Variants in NFE2 observed in about 807,000 individuals in gnomAD.
The protein encoded by NFE2 is transcription factor NF-E2 45 kDa subunit.
Under a neutral mutation model 25.8 loss-of-function variants are expected in NFE2, and 13 were observed. The ratio of observed to expected loss-of-function variants is 0.50; its 90% CI spans 0.33 to 0.80. The LOEUF (loss-of-function observed/expected upper bound fraction) is 0.80. NFE2 is among the 30% of genes least tolerant of loss of function. The probability of loss-of-function intolerance (pLI) is 0.02; values close to 1 mark genes in which losing one functional copy is unlikely to be tolerated. For synonymous variants in NFE2, 204 were observed against 200.2 expected, an observed-to-expected ratio of 1.02 and a Z score of -0.16; for missense variants, 382 against 478.9, an observed-to-expected ratio of 0.80 and a Z score of 1.89.
chr12:54,298,494 T>G (rs1592182436), intron 1 of NFE2, among the ~76,000 whole-genome samples: 3 of 97,416 alleles, frequency 3.1e-5, no homozygotes, highest in South Asian at 2.9e-4. Context: ...GCAACAAGAG[T>G]GAAACTCCAC....
chr12:54,292,606 T>G lies in NFE2; in HGVS notation c.890A>C (p.Glu297Ala). The G allele has an allele frequency of 6.2e-7, 1 of 1,614,136 alleles. No individual in the cohort carries two copies. Among genetic ancestry groups the G allele is most frequent in the Non-Finnish European group, 8.5e-7 (1 of 1,180,022 alleles). The change falls in exon 3 of 3, where the codon GAG becomes GCG. Residue 297 changes from glutamate (E) to alanine (A), a missense_variant. Transcript: ENST00000435572. The part of the protein sequence containing the change: ...KLETIVQLER[E>A]LERLTNERER... ...CCGTTCATTGGTCAGCCGCTCCAGC[T>G]CCCGCTCCAGCTGCACAATGGTTTC...
At chr12:54,296,263 G>A (rs1944371008) in intron 1 of NFE2, among the ~76,000 whole-genome samples, 1 of 151,896 alleles carries the variant, frequency 6.6e-6, no homozygotes, top group Admixed American at 6.6e-5. Flanking sequence ...AAATTAGCTG[G>A]GCGTGGTGGG....
At position 54,292,863 on chromosome 12, in the gene NFE2, A is replaced by G. The variant is rs758054410; in HGVS notation, c.633T>C (p.Pro211=). 21 of 1,613,872 alleles carry G rather than the reference A, an allele frequency of 1.3e-5. No homozygotes were observed. The highest frequency in any genetic ancestry group is 1.7e-5 in the Non-Finnish European group (20 of 1,179,862). Residue 211 remains proline, a synonymous_variant, in exon 3 of 3, where the codon CCT becomes CCC. Transcript: ENST00000435572. ...CCCGTGCAGTGGGCTTAGCCCGCAC[A>G]GGGCCTGAGGAGGGCTCTAAGGCCA... ...TPLALEPSSG[P]VRAKPTARGE...
At position 54,293,028 on chromosome 12, in the gene NFE2, T is replaced by G; in HGVS notation, c.468A>C (p.Glu156Asp). 1 of 1,528,654 alleles carries G rather than the reference T, an allele frequency of 6.5e-7. No individual in the cohort carries two copies. Among genetic ancestry groups the G allele is most frequent in the Non-Finnish European group, 8.8e-7 (1 of 1,138,362 alleles). The allele number at this position is 1,528,654 out of a possible 1,614,324, so 94.7% of individuals were successfully genotyped here. A position where few individuals can be genotyped will look rare whatever the true frequency, so the allele number is the denominator to read the frequency against. The change falls in exon 3 of 3, where the codon GAA (glutamate) becomes GAC (aspartate). Residue 156 changes from glutamate (E) to aspartate (D), a missense_variant. By Grantham distance (45) the Glu-to-Asp change is conservative. Transcript: ENST00000435572. ...CCTCTGTCCCCTCCAGCTCAAGAGA[T>G]TCAGCATCGCTATAGTTGAGGGATA... ...SGLSLNYSDA[E>D]SLELEGTEAG...
intron 1 of NFE2, among the ~76,000 whole-genome samples, chr12:54,296,949 G>GT: frequency 6.6e-6 from 1 of 152,028 alleles, no homozygotes; most frequent in Non-Finnish European, 1.5e-5. Context: ...CCTTGCATCT[G>GT]TTTTCCCTGC....
In NFE2 at chr12:54,292,126, T is replaced by C. The variant is rs946632836; in HGVS notation, c.*248A>G. Reference sequence around the variant, plus strand: ...TGAAAAGCCATTTCTGTAGCGCACTTTATAGACCAAAGCTTAGACAAGGTG... The same window carrying C: ...TGAAAAGCCATTTCTGTAGCGCACTCTATAGACCAAAGCTTAGACAAGGTG... On this transcript the variant is annotated 3_prime_UTR_variant, in exon 3 of 3. Transcript: ENST00000435572. 2 of 529,854 alleles carry C rather than the reference T, an allele frequency of 3.8e-6. No individual in the cohort carries two copies. The highest frequency in any genetic ancestry group is 6.7e-6 in the Non-Finnish European group (2 of 296,510). 32.8% of individuals were successfully genotyped at this position (529,854 alleles called of 1,614,324 possible).
chr12:54,296,234 G>A (rs755308915), intron 1 of NFE2, among the ~76,000 whole-genome samples: 8 of 151,752 alleles, frequency 5.3e-5, no homozygotes, highest in Non-Finnish European at 7.4e-5. Context: ...TGGAAACCCC[G>A]TCTCTACTAA....
chr12:54,298,235 C>T (rs575864938), intron 1 of NFE2, among the ~76,000 whole-genome samples: 21 of 152,134 alleles, frequency 1.4e-4, no homozygotes, highest in South Asian at 2.1e-4. Context: ...TTGCTACGCA[C>T]GGTGGCTCAC....
intron 2 of NFE2, 64 bp downstream of exon 2, chr12:54,295,071 G>T: frequency 7.2e-7 from 1 of 1,388,986 alleles, no homozygotes; most frequent in Non-Finnish European, 1.0e-6. Flanking sequence ...CTCAGTCCTG[G>T]CCAACTCCCT....
intron 1 of NFE2, among the ~76,000 whole-genome samples, chr12:54,298,980 G>A (rs189746248): frequency 1.3e-3 from 194 of 152,036 alleles, no homozygotes; most frequent in African/African-American, 4.4e-3. Context: ...GAACCTGGGC[G>A]GTAGAGGTTA....
chr12:54,292,669 T>A lies in NFE2; in HGVS notation c.827A>T (p.Asn276Ile). ...LVRDIRRRGK[N>I]KVAAQNCRKR... ...GCGGCAGTTCTGGGCTGCCACCTTG[T>A]TTTTGCCCCGTCGTCGGATGTCCCG... The change falls in exon 3 of 3, where the codon AAC becomes ATC. Residue 276 changes from asparagine to isoleucine, a missense_variant. Physicochemically the swap from Asn to Ile is moderately radical, Grantham distance 149. Transcript: ENST00000435572. 1 of 1,614,214 alleles carries A rather than the reference T, an allele frequency of 6.2e-7. No homozygotes were observed. The highest frequency in any genetic ancestry group is 8.5e-7 in the Non-Finnish European group (1 of 1,180,034).
rs749714668 is a variant in NFE2, at chr12:54,295,105, G to T, written c.114+30C>A. 1.9e-6 allele frequency: 3 copies of T among 1,579,146 alleles called. No individual in the cohort carries two copies. The Admixed American group carries it at 5.0e-5, about 26-fold the overall frequency. On this transcript the variant is annotated intron_variant, in intron 2 of 2. Transcript: ENST00000435572. ...CTGCTTCTCTCTTCTCCGACACACG[G>T]CCTCCCCTGCCCTATCCCCCCTTAC...
chr12:54,294,778 G>A (rs1267680408), intron 2 of NFE2, among the ~76,000 whole-genome samples: 1 of 152,156 alleles, frequency 6.6e-6, no homozygotes, highest in African/African-American at 2.4e-5. Flanking sequence ...GTTGCCAAGG[G>A]CAGGCGGAGG....
In NFE2 at chr12:54,296,409, C is replaced by CA. The variant is rs372037870; in HGVS notation, c.-56-1106dup. Among the ~76,000 whole-genome samples the CA allele has an allele frequency of 4.9e-3, 423 of 86,740 alleles. 2 individuals carry two copies. The highest frequency in any genetic ancestry group is 0.013 in the Middle Eastern group (2 of 150). The allele number at this position is 86,740 out of a possible 152,430, so 56.9% of individuals were successfully genotyped here. On this transcript the variant is annotated intron_variant, in intron 1 of 2. Transcript: ENST00000435572. ...TGGCTGACAGAGTTAGACTATGTCT[C>CA]AAAAAAAAAAAAAAAAAAAAGACTG...
intron 2 of NFE2, among the ~76,000 whole-genome samples, chr12:54,294,911 A>C (rs1944356330): frequency 6.6e-6 from 1 of 151,992 alleles, no homozygotes; most frequent in Admixed American, 6.5e-5. Context: ...GAGAGAGCCT[A>C]CACTCCCAAT....
rs4348947 is a variant in NFE2 at position 54,292,483 on chromosome 12, C to G, written c.1013G>C (p.Arg338Pro). ...ELYRDIFQHLRDESGNSYSPE... is the reference protein window; with the variant it reads ...ELYRDIFQHLPDESGNSYSPE... ...AGAGTAGCTGTTGCCTGATTCATCCCGAAGGTGCTGGAAAATGTCACGGTA... is the reference window on the plus strand; with the variant it reads ...AGAGTAGCTGTTGCCTGATTCATCCGGAAGGTGCTGGAAAATGTCACGGTA... Residue 338 changes from arginine (R) to proline (P), a missense_variant, in exon 3 of 3, where the codon CGG (arginine) becomes CCG (proline). Physicochemically the swap from Arg to Pro is moderately radical, Grantham distance 103. Transcript: ENST00000435572. 3 of 1,614,164 alleles carry G rather than the reference C, an allele frequency of 1.9e-6. No homozygotes were observed. Among genetic ancestry groups the G allele is most frequent in the Admixed American group, 3.3e-5 (2 of 60,014 alleles).
chr12:54,300,641 A>C (rs1440220592), intron 1 of NFE2, among the ~76,000 whole-genome samples, 160 bp downstream of exon 1: 1 of 152,092 alleles, frequency 6.6e-6, no homozygotes, highest in Non-Finnish European at 1.5e-5. Flanking sequence ...GAGTTCCCAA[A>C]TATGTCAGAT....
chr12:54,293,323 C>A lies in NFE2; in HGVS notation c.173G>T (p.Gly58Val). The change falls in exon 3 of 3, where the codon GGA becomes GTA. Residue 58 changes from glycine to valine, a missense_variant. Transcript: ENST00000435572. Reference sequence around the variant, plus strand: ...GCAGTAAGTTGTGGGTGGTGGAGGTCCAAGGTATGGAGCTGGGGCTTGGGG... The same window carrying A: ...GCAGTAAGTTGTGGGTGGTGGAGGTACAAGGTATGGAGCTGGGGCTTGGGG... Reference protein sequence around the residue: ...FEPQAPAPYLGPPPPTTYCPC... With the variant: ...FEPQAPAPYLVPPPPTTYCPC... 6.3e-7 allele frequency: 1 copy of A among 1,594,622 alleles called. No individual in the cohort carries two copies. Among genetic ancestry groups the A allele is most frequent in the South Asian group, 1.1e-5 (1 of 87,868 alleles).
At chr12:54,297,975 A>ATGCC (rs1024677620) in intron 1 of NFE2, 4 of 152,106 alleles carry the variant, frequency 2.6e-5, no homozygotes, top group Non-Finnish European at 5.9e-5. Context: ...TCTGTCCAGG[A>ATGCC]TGCCATTTCA....
Sources: gnomAD v4.1 joint callset for allele counts (sites outside exome capture counted in the v4.1 genomes callset) on GRCh38, gnomAD v4.1.1 for gene constraint, MANE v1.5 for transcripts, NCBI Gene and HGNC (gene_info 2026-07-23, HGNC 2026-07-21) for gene names.